KCNQ5: variants seen among roughly 807,000 people sequenced by gnomAD.
KCNQ5 encodes the protein potassium voltage-gated channel subfamily Q member 5.
In KCNQ5, 30 loss-of-function variants were observed where a neutral mutation model predicts 98.2. That is an observed-to-expected ratio of 0.31 (90% CI 0.23 to 0.41). The LOEUF (loss-of-function observed/expected upper bound fraction) is 0.41. Among genes scored for constraint, KCNQ5 ranks in the 10% least tolerant of loss-of-function variants. KCNQ5 has a pLI of 1.00. For missense variants in KCNQ5, 835 were observed against 1,182.5 expected (o/e 0.71, Z 4.31); for synonymous variants, 458 against 449.4 (o/e 1.02, Z -0.24).
chr6:73,017,892 A>AG (rs1231117468), intron 2 of KCNQ5, among the ~76,000 whole-genome samples: 3 of 152,078 alleles, frequency 2.0e-5, no homozygotes, highest in East Asian at 1.9e-4. Context: ...AACAGCTCTC[A>AG]GGGGAGACCA....
chr6:73,151,480 C>T (rs1480185998), intron 10 of KCNQ5, among the ~76,000 whole-genome samples: 1 of 152,222 alleles, frequency 6.6e-6, no homozygotes, highest in Non-Finnish European at 1.5e-5. Context: ...AGTCAAAATT[C>T]AGCATCTACA....
chr6:72,905,016 T>G (rs1779647683), intron 1 of KCNQ5, among the ~76,000 whole-genome samples: 1 of 152,092 alleles, frequency 6.6e-6, no homozygotes, highest in South Asian at 2.1e-4. Context: ...TAATTATTTT[T>G]AGGTTTGGTC....
At chr6:73,074,055 A>C (rs958153230) in intron 3 of KCNQ5, among the ~76,000 whole-genome samples, 1 of 152,210 alleles carries the variant, frequency 6.6e-6, no homozygotes, top group African/African-American at 2.4e-5. Context: ...AACAAAGCTC[A>C]GCCAACTTTT....
intron 1 of KCNQ5, among the ~76,000 whole-genome samples, chr6:72,744,932 G>C (rs1200456708): frequency 6.6e-6 from 1 of 152,182 alleles, no homozygotes; most frequent in East Asian, 1.9e-4. Context: ...TTAAGGACTG[G>C]ATATTGAAGC....
At chr6:72,855,998 T>C (rs1038152051) in intron 1 of KCNQ5, among the ~76,000 whole-genome samples, 27 of 152,216 alleles carry the variant, frequency 1.8e-4, no homozygotes, top group African/African-American at 6.5e-4. Context: ...TTGTTTCCTA[T>C]GAATTGAGGA....
intron 1 of KCNQ5, among the ~76,000 whole-genome samples, chr6:72,849,640 A>G (rs1777164488): frequency 1.3e-5 from 2 of 152,202 alleles, no homozygotes; most frequent in Admixed American, 6.5e-5. Context: ...GGGGGCAAGC[A>G]GACAGAAATA....
intron 3 of KCNQ5, among the ~76,000 whole-genome samples, chr6:73,075,770 C>G (rs923834589): frequency 3.3e-5 from 5 of 152,034 alleles, no homozygotes; most frequent in African/African-American, 9.7e-5. Context: ...AGGGCGGACA[C>G]CGGTGGCTCA....
chr6:72,759,904 A>G (rs1772171296), intron 1 of KCNQ5, among the ~76,000 whole-genome samples: 1 of 152,086 alleles, frequency 6.6e-6, no homozygotes, highest in Admixed American at 6.6e-5. Flanking sequence ...CTATTTTTCA[A>G]ATGGAAGTGC....
At chr6:72,780,181 A>G (rs1185472409) in intron 1 of KCNQ5, among the ~76,000 whole-genome samples, 1 of 152,192 alleles carries the variant, frequency 6.6e-6, no homozygotes, top group African/African-American at 2.4e-5. Flanking sequence ...TATTACCCCA[A>G]TTTACAGGTT....
chr6:72,796,229 T>A (rs1028641747), intron 1 of KCNQ5, among the ~76,000 whole-genome samples: 2 of 152,194 alleles, frequency 1.3e-5, no homozygotes, highest in Non-Finnish European at 2.9e-5. Context: ...TTTGAAGTAA[T>A]TGCCAAGTCC....
intron 1 of KCNQ5, among the ~76,000 whole-genome samples, chr6:72,811,755 C>G (rs1775252938): frequency 6.6e-6 from 1 of 152,062 alleles, no homozygotes; most frequent in African/African-American, 2.4e-5. Flanking sequence ...AGTTCAGACC[C>G]CTAAAGAGGG....
In KCNQ5 at chr6:72,809,413, G is replaced by A. The variant is rs571234598; in HGVS notation, c.398+186826G>A. On this transcript the variant is annotated intron_variant, in intron 1 of 13. Coordinates refer to ENST00000370398, the MANE Select transcript of KCNQ5 (RefSeq NM_019842.4). ...ATAATAATAAAAAAAATAGCCAGGC[G>A]TGGTGGCATGTGCCTGTAATCCCAG... is the stretch of plus-strand genomic sequence containing the variant. Among the ~76,000 whole-genome samples the A allele has an allele frequency of 4.8e-4, 73 of 152,184 alleles. 1 individual carries two copies. Among genetic ancestry groups the A allele is most frequent in the African/African-American group, 1.4e-3 (60 of 41,536 alleles).
chr6:72,667,771 G>A (rs889357892), intron 1 of KCNQ5, among the ~76,000 whole-genome samples: 1 of 152,142 alleles, frequency 6.6e-6, no homozygotes, highest in Non-Finnish European at 1.5e-5. Context: ...TTGAAATGAT[G>A]TATCCCTATA....
intron 1 of KCNQ5, among the ~76,000 whole-genome samples, chr6:72,707,420 G>A (rs1157197750): frequency 1.3e-5 from 2 of 152,096 alleles, no homozygotes; most frequent in Non-Finnish European, 2.9e-5. Context: ...GTACATATAT[G>A]TTTATTTCAG....
rs1765866448 is a variant in KCNQ5, at chr6:73,198,210, A to AG, written c.*2799dup. 6.6e-6 allele frequency: 1 copy of AG among 152,210 alleles called. No homozygotes were observed. The highest frequency in any genetic ancestry group is 2.1e-4 in the South Asian group (1 of 4,830). 9.4% of individuals were successfully genotyped at this position (152,210 alleles called of 1,614,324 possible). ...AGTGTGTCTGCCTTCTTCAACATGT[A>AG]GGGTTGATCAAGCTAATACTTAATT... On this transcript the variant is annotated 3_prime_UTR_variant, in exon 14 of 14. Transcript: ENST00000370398.
intron 1 of KCNQ5, among the ~76,000 whole-genome samples, chr6:72,642,106 A>C (rs2098927508): frequency 6.6e-6 from 1 of 150,398 alleles, no homozygotes; most frequent in Non-Finnish European, 1.5e-5. Context: ...TTGTTATTAT[A>C]CATGGCTATT....
chr6:72,759,988 T>G (rs1772177739), intron 1 of KCNQ5, among the ~76,000 whole-genome samples: 1 of 151,940 alleles, frequency 6.6e-6, no homozygotes, highest in African/African-American at 2.4e-5. Context: ...CAACCCTTAC[T>G]AAAAGGGTGA....
At chr6:73,018,120 G>C (rs1453218571) in intron 2 of KCNQ5, among the ~76,000 whole-genome samples, 1 of 152,128 alleles carries the variant, frequency 6.6e-6, no homozygotes, top group Non-Finnish European at 1.5e-5. Flanking sequence ...GGGCCGGGGG[G>C]CATTCCTGCC....
intron 1 of KCNQ5, among the ~76,000 whole-genome samples, chr6:72,843,179 T>G (rs529318416): frequency 2.6e-4 from 40 of 152,224 alleles, no homozygotes; most frequent in African/African-American, 6.5e-4. Context: ...AGGAAGGGGT[T>G]CAGTTTCAGT....
Sources: gnomAD v4.1 joint callset for allele counts (sites outside exome capture counted in the v4.1 genomes callset) on GRCh38, gnomAD v4.1.1 for gene constraint, MANE v1.5 for transcripts, NCBI Gene and HGNC (gene_info 2026-07-23, HGNC 2026-07-21) for gene names.